Variants in SLC38A6 observed in about 807,000 individuals in gnomAD.
SLC38A6 encodes solute carrier family 38 member 6.
In SLC38A6, 73 loss-of-function variants were observed where a neutral mutation model predicts 65.0. The observed-to-expected ratio is 1.12, with a 90% confidence interval of 0.93 to 1.37. SLC38A6 has a LOEUF of 1.37. Ranked by LOEUF, SLC38A6 falls within the 40% of genes most tolerant of loss-of-function variation. SLC38A6 has a pLI of 0.00. For synonymous variants in SLC38A6, 183 were observed against 178.8 expected (o/e 1.02, Z -0.19); for missense variants, 561 against 531.1 (o/e 1.06, Z -0.55).
Position 61,046,180 on chromosome 14 carries a change from T to C in SLC38A6, c.925+13T>C. ...CTCACTTTTTATGGTAAGTACATTT[T>C]AAAATTATAGATGACAAAATAATAG... On this transcript the variant is annotated intron_variant, in intron 12 of 15. Transcript: ENST00000267488. The C allele has an allele frequency of 6.6e-7, 1 of 1,505,916 alleles. No homozygotes were observed. 93.3% of individuals were successfully genotyped at this position (1,505,916 alleles called of 1,614,324 possible). A position where few individuals can be genotyped will look rare whatever the true frequency, so the allele number is the denominator to read the frequency against.
chr14:61,050,654 G>A lies in SLC38A6; in HGVS notation c.1050+18G>A. 5.2e-6 allele frequency: 8 copies of A among 1,523,884 alleles called. No homozygotes were observed. Among genetic ancestry groups the A allele is most frequent in the Non-Finnish European group, 7.1e-6 (8 of 1,125,480 alleles). 94.4% of individuals were successfully genotyped at this position (1,523,884 alleles called of 1,614,324 possible). On this transcript the variant is annotated intron_variant, in intron 13 of 15. Transcript: ENST00000267488. ...ACTTCCCTGTAAGTACTCTTAAAGG[G>A]TTTTGTTGCCTAGTATAGACGCTTC...
intron 11 of SLC38A6, among the ~76,000 whole-genome samples, chr14:61,045,649 C>T (rs1427638601): frequency 6.6e-6 from 1 of 151,888 alleles, no homozygotes; most frequent in Non-Finnish European, 1.5e-5. Flanking sequence ...TTTGGGAGGC[C>T]GAGGCAGGCG....
At chr14:61,003,913 C>G (rs1178053077) in intron 3 of SLC38A6, among the ~76,000 whole-genome samples, 2 of 152,084 alleles carry the variant, frequency 1.3e-5, no homozygotes, top group African/African-American at 4.8e-5. Flanking sequence ...TGTAGTCAGT[C>G]TCCATTTAAG....
intron 15 of SLC38A6, among the ~76,000 whole-genome samples, chr14:61,077,900 A>G (rs796162052): frequency 7.9e-5 from 12 of 152,350 alleles, no homozygotes; most frequent in African/African-American, 2.6e-4. Context: ...AGAGAGCCCT[A>G]CTGTAGCAAT....
At chr14:61,001,347 G>A (rs746159268) in intron 3 of SLC38A6, among the ~76,000 whole-genome samples, 6 of 152,202 alleles carry the variant, frequency 3.9e-5, no homozygotes, top group Non-Finnish European at 5.9e-5. Context: ...CCCTTGTGTA[G>A]TGATTCCTTT....
chr14:61,074,823 T>C (rs1251236972), intron 15 of SLC38A6, among the ~76,000 whole-genome samples: 1 of 152,076 alleles, frequency 6.6e-6, no homozygotes, highest in East Asian at 1.9e-4. Context: ...CTTCTCTTAG[T>C]AAGGGAAATA....
chr14:60,994,420 C>T lies in SLC38A6; in HGVS notation c.310+9617C>T, dbSNP rs978024979. Among the ~76,000 whole-genome samples the T allele has an allele frequency of 3.3e-5, 5 of 152,170 alleles. 1 individual carries two copies. The highest frequency in any genetic ancestry group is 3.9e-4 in the East Asian group (2 of 5,150). On this transcript the variant is annotated intron_variant, in intron 3 of 15. Coordinates refer to ENST00000267488, the MANE Select transcript of SLC38A6 (RefSeq NM_153811.3). ...ATTACCTGGGCGTGGTGCTGCATGCCTGTAATCCCAGCTACTCAGGAGGCT... is the reference window on the plus strand; with the variant it reads ...ATTACCTGGGCGTGGTGCTGCATGCTTGTAATCCCAGCTACTCAGGAGGCT...
intron 2 of SLC38A6, 86 bp downstream of exon 2, chr14:60,982,724 A>G (rs941196726): frequency 7.6e-5 from 106 of 1,387,704 alleles, no homozygotes; most frequent in South Asian, 6.7e-4. Flanking sequence ...AGAAGCTGCT[A>G]TTATACAATT....
At chr14:61,083,402 T>A in intron 16 of SLC38A6, 1 of 1,180,578 alleles carries the variant, frequency 8.5e-7, no homozygotes, top group Non-Finnish European at 1.2e-6. Flanking sequence ...TGCACTCAAT[T>A]GTGTTCCAAC....
intron 15 of SLC38A6, among the ~76,000 whole-genome samples, chr14:61,074,746 T>C (rs2043344544): frequency 7.0e-6 from 1 of 142,576 alleles, no homozygotes; most frequent in Non-Finnish European, 1.5e-5. Context: ...TCTTTCTTTC[T>C]TCTTTCACAA....
At chr14:61,079,696 A>C (rs2043566967) in intron 16 of SLC38A6, among the ~76,000 whole-genome samples, 2 of 152,172 alleles carry the variant, frequency 1.3e-5, no homozygotes, top group Admixed American at 1.3e-4. Flanking sequence ...CCTTTAGGAA[A>C]GGTTCCACAT....
intron 3 of SLC38A6, among the ~76,000 whole-genome samples, chr14:60,993,051 T>C (rs2038029916): frequency 6.6e-6 from 1 of 152,152 alleles, no homozygotes; most frequent in African/African-American, 2.4e-5. Context: ...TTTTACAGCG[T>C]TGGCCAGGCT....
At chr14:60,991,538 C>G (rs78717434) in intron 3 of SLC38A6, among the ~76,000 whole-genome samples, 1 of 152,158 alleles carries the variant, frequency 6.6e-6, no homozygotes, top group South Asian at 2.1e-4. Flanking sequence ...CAAACCCACA[C>G]AGTCTGGCTC....
chr14:61,022,524 A>G (rs543687729), intron 5 of SLC38A6, among the ~76,000 whole-genome samples: 2 of 150,858 alleles, frequency 1.3e-5, no homozygotes, highest in African/African-American at 4.9e-5. Flanking sequence ...ACAATGACCA[A>G]TGTTACTTCA....
intron 3 of SLC38A6, among the ~76,000 whole-genome samples, chr14:61,010,655 C>G (rs1449703151): frequency 6.6e-6 from 1 of 152,180 alleles, no homozygotes; most frequent in African/African-American, 2.4e-5. Context: ...TTCCCCATTT[C>G]CTGTTTTTCT....
At chr14:61,037,578 A>T in intron 7 of SLC38A6, 47 bp from the exon 8 acceptor site, 1 of 1,369,320 alleles carries the variant, frequency 7.3e-7, no homozygotes, top group Non-Finnish European at 1.0e-6. Flanking sequence ...TGTACGTTAA[A>T]ATCGCTTTCC....
At chr14:61,018,423 C>A (rs2040148493) in intron 4 of SLC38A6, among the ~76,000 whole-genome samples, 1 of 152,182 alleles carries the variant, frequency 6.6e-6, no homozygotes, top group Non-Finnish European at 1.5e-5. Context: ...CATTAGCCCT[C>A]CTCTGCAAAC....
At chr14:61,038,481 A>C (rs1281993788) in intron 8 of SLC38A6, among the ~76,000 whole-genome samples, 1 of 152,142 alleles carries the variant, frequency 6.6e-6, no homozygotes, top group East Asian at 1.9e-4. Flanking sequence ...CTTTCCAAGA[A>C]TATACATGTC....
intron 15 of SLC38A6, among the ~76,000 whole-genome samples, chr14:61,078,653 T>A (rs1566739501): frequency 6.6e-6 from 1 of 151,988 alleles, no homozygotes; most frequent in Non-Finnish European, 1.5e-5. Flanking sequence ...AAGTCTCAGC[T>A]CCTGGGCATA....
Sources: gnomAD v4.1 joint callset for allele counts (sites outside exome capture counted in the v4.1 genomes callset) on GRCh38, gnomAD v4.1.1 for gene constraint, MANE v1.5 for transcripts, NCBI Gene and HGNC (gene_info 2026-07-23, HGNC 2026-07-21) for gene names.